The following AP3D1 variants were observed in gnomAD, a reference collection of about 807,000 sequenced individuals.
AP3D1 encodes the protein adaptor related protein complex 3 subunit delta 1, also known as AP-3 complex subunit delta-1.
AP3D1 carries 51 observed loss-of-function variants against 147.6 expected under a neutral mutation model. The observed-to-expected ratio is 0.35, with a 90% confidence interval of 0.28 to 0.44. AP3D1 has a LOEUF of 0.44. Ranked by LOEUF, AP3D1 falls within the 20% of genes least tolerant of loss-of-function variation. AP3D1 has a pLI of 1.00. For missense variants in AP3D1, 1,421 were observed against 1,624.2 expected (o/e 0.87, Z 2.15); for synonymous variants, 760 against 663.0 (o/e 1.15, Z -2.25).
chr19:2,146,787 A>C (rs1047618312), intron 1 of AP3D1, among the ~76,000 whole-genome samples: 2 of 151,814 alleles, frequency 1.3e-5, no homozygotes, highest in African/African-American at 4.8e-5. Context: ...ATTCTGGGAG[A>C]CTTTTCTTAC....
At chr19:2,103,700 G>T (rs1311836248) in intron 31 of AP3D1, among the ~76,000 whole-genome samples, 2 of 152,134 alleles carry the variant, frequency 1.3e-5, no homozygotes, top group African/African-American at 2.4e-5. Context: ...AGGCAGGGGG[G>T]ACTTGCAGCT....
intron 1 of AP3D1, among the ~76,000 whole-genome samples, chr19:2,163,448 T>C (rs1267706735): frequency 6.6e-6 from 1 of 150,788 alleles, no homozygotes; most frequent in Non-Finnish European, 1.5e-5. Flanking sequence ...CGCCTTGGCC[T>C]CCCAAAGTGC....
chr19:2,137,662 A>C (rs1363154153), intron 3 of AP3D1, 65 bp downstream of exon 3: 1 of 1,369,384 alleles, frequency 7.3e-7, no homozygotes, highest in Non-Finnish European at 1.0e-6. Flanking sequence ...AAAATTGGCC[A>C]GTCACGGTGC....
rs1434756094 is a variant in AP3D1, at chr19:2,109,088, GA to G, written c.3469del (p.Ser1157ProfsTer26). 2 of 1,608,080 alleles carry G rather than the reference GA, an allele frequency of 1.2e-6. No homozygotes were observed. The highest frequency in any genetic ancestry group is 3.5e-5 in the Admixed American group (2 of 57,832). On this transcript the variant is annotated frameshift_variant, in exon 30 of 32. Coordinates refer to ENST00000643116, the MANE Select transcript of AP3D1 (RefSeq NM_001261826.3). LOFTEE classifies it high-confidence loss of function. ...CATCAGCCCCTCACTCTCCTTACCG[GA>G]AAAATGGTGGTGAAAACAGATCTTC... is the stretch of plus-strand genomic sequence containing the variant. ...LAKICFHHHF[S>X]VVERVDSCAS...
chr19:2,113,892 C>A (rs555263411), intron 22 of AP3D1, among the ~76,000 whole-genome samples: 1 of 152,206 alleles, frequency 6.6e-6, no homozygotes, highest in East Asian at 1.9e-4. Flanking sequence ...GGTGAGGACA[C>A]GGCTCACCCA....
In AP3D1 at chr19:2,161,165, T is replaced by G. The variant is rs1306374593; in HGVS notation, c.-103+3191A>C. ...CAGGAGCTTCTCCTAGTTTTTTTTT[T>G]TTTTTTTTTTTTTGAGACAGAGTCT... On this transcript the variant is annotated intron_variant, in intron 1 of 14. Coordinates refer to the AP3D1 transcript ENST00000643010. 2.1e-5 allele frequency among the ~76,000 whole-genome samples: 3 copies of G among 142,990 alleles called. No individual in the cohort carries two copies. The East Asian group carries it at 5.9e-4, about 28-fold the overall frequency. 93.8% of individuals were successfully genotyped at this position (142,990 alleles called of 152,430 possible).
rs191536356 is a variant in AP3D1, at chr19:2,163,039, G to A, written c.-103+1317C>T. ...TGGGCATAGGCTGAACTAACTTTGG[G>A]AGAAACTTATAGTTTAATTAAATTA... is the stretch of plus-strand genomic sequence containing the variant. On this transcript the variant is annotated intron_variant, in intron 1 of 14. Transcript: ENST00000643010. Among the ~76,000 whole-genome samples the A allele has an allele frequency of 2.1e-3, 319 of 152,106 alleles. 3 individuals are homozygous for A. The highest frequency in any genetic ancestry group is 6.2e-4 in the Non-Finnish European group (42 of 67,994).
At chr19:2,161,510 C>A (rs1182141609) in intron 1 of AP3D1, among the ~76,000 whole-genome samples, 2 of 151,260 alleles carry the variant, frequency 1.3e-5, no homozygotes, top group East Asian at 1.9e-4. Flanking sequence ...GATAAAAGTT[C>A]TTTTTTTTTC....
chr19:2,138,720 A>G lies in AP3D1; in HGVS notation c.97-6T>C, dbSNP rs540530053. 3.1e-4 allele frequency: 492 copies of G among 1,597,744 alleles called. 8 individuals are homozygous for G. The South Asian group carries it at 4.9e-3, about 16-fold the overall frequency. On this transcript the variant is annotated splice_polypyrimidine_tract_variant and splice_region_variant and intron_variant, in intron 1 of 31. Coordinates refer to ENST00000643116, the MANE Select transcript of AP3D1 (RefSeq NM_001261826.3). ...CACTGAGATATGTATTTTGCCTATA[A>G]TGGGGGATAAACACAGAGATTACAA...
chr19:2,113,470 G>A, intron 22 of AP3D1, 57 bp from the exon 23 acceptor site: 1 of 1,102,138 alleles, frequency 9.1e-7, no homozygotes. Context: ...GGGAAGAGGG[G>A]ACGGGGACAG....
intron 9 of AP3D1, among the ~76,000 whole-genome samples, chr19:2,124,881 G>C (rs1599466278): frequency 6.6e-6 from 1 of 152,330 alleles, no homozygotes; most frequent in Admixed American, 6.5e-5. Context: ...AGAGGTTGCG[G>C]TGAGCCAAGA....
intron 29 of AP3D1, chr19:2,109,541 G>A (rs373603873): frequency 6.2e-6 from 3 of 486,650 alleles, no homozygotes; most frequent in Non-Finnish European, 1.1e-5. Context: ...TGAGGACTCA[G>A]GGGGGAGGGG....
intron 14 of AP3D1, among the ~76,000 whole-genome samples, chr19:2,120,147 G>C (rs542249322): frequency 1.3e-5 from 2 of 152,282 alleles, no homozygotes; most frequent in South Asian, 4.1e-4. Context: ...GAGGCAGTGA[G>C]GCATAGCAGC....
rs1434593300 is a variant in AP3D1 at position 2,115,630 on chromosome 19, C to T, written c.2074-17G>A. ...CTGGTACCGCTGCAAAGGCAACACC[C>T]AGGCGTTACCGGTGCACCGAGGGGT... On this transcript the variant is annotated splice_polypyrimidine_tract_variant and intron_variant, in intron 18 of 31. Coordinates refer to ENST00000643116, the MANE Select transcript of AP3D1 (RefSeq NM_001261826.3). The T allele has an allele frequency of 1.2e-6, 2 of 1,606,928 alleles. No homozygotes were observed. The highest frequency in any genetic ancestry group is 1.7e-6 in the Non-Finnish European group (2 of 1,175,964).
rs199574247 is a variant in AP3D1 at position 2,121,108 on chromosome 19, G to A, written c.1251-16C>T. The A allele has an allele frequency of 2.6e-5, 42 of 1,613,700 alleles. 1 individual carries two copies. In the African/African-American group the frequency reaches 2.8e-4, roughly 11 times the overall value. ...GCTGATGTACCTGTGGGGCAGAGGC[G>A]GTGAGTGAGCGGCGCCACGGAACCC... is the stretch of plus-strand genomic sequence containing the variant. On this transcript the variant is annotated splice_polypyrimidine_tract_variant and intron_variant, in intron 13 of 31. Transcript: ENST00000643116.
chr19:2,162,331 C>CTGTCT (rs2019721454), intron 1 of AP3D1, among the ~76,000 whole-genome samples: 1 of 140,190 alleles, frequency 7.1e-6, no homozygotes, highest in Admixed American at 7.0e-5. Flanking sequence ...CCACCGCACC[C>CTGTCT]GGCCCCTGTT....
At chr19:2,109,806 G>A (rs935351307) in intron 29 of AP3D1, 67 bp downstream of exon 29, 3 of 1,457,114 alleles carry the variant, frequency 2.1e-6, no homozygotes, top group Non-Finnish European at 2.9e-6. Flanking sequence ...CCGGGGCACA[G>A]GTGTCTGCAA....
intron 1 of AP3D1, among the ~76,000 whole-genome samples, chr19:2,139,403 G>A (rs182880154): frequency 6.6e-6 from 1 of 152,290 alleles, no homozygotes; most frequent in Non-Finnish European, 1.5e-5. Context: ...TGTGTCTGGT[G>A]TGTCTGGATC....
upstream of AP3D1, among the ~76,000 whole-genome samples, chr19:2,153,090 G>A (rs2019593889): frequency 1.3e-5 from 2 of 150,982 alleles, no homozygotes; most frequent in Admixed American, 6.6e-5. Flanking sequence ...AGGGGGAGGG[G>A]AGGATGGGCG....
Sources: gnomAD v4.1 joint callset for allele counts (sites outside exome capture counted in the v4.1 genomes callset) on GRCh38, gnomAD v4.1.1 for gene constraint, MANE v1.5 for transcripts, NCBI Gene and HGNC (gene_info 2026-07-23, HGNC 2026-07-21) for gene names.